The following KCNQ3 variants were observed in gnomAD, a reference collection of about 807,000 sequenced individuals.
KCNQ3 encodes potassium voltage-gated channel subfamily KQT member 3.
In KCNQ3, 30 loss-of-function variants were observed where a neutral mutation model predicts 92.5. That is an observed-to-expected ratio of 0.32 (90% CI 0.24 to 0.44). KCNQ3 has a LOEUF of 0.44. Among genes scored for constraint, KCNQ3 ranks in the 20% least tolerant of loss-of-function variants. KCNQ3 has a pLI of 1.00. For synonymous variants in KCNQ3, 450 were observed against 468.8 expected, an observed-to-expected ratio of 0.96 and a Z score of 0.52; for missense variants, 913 against 1,140.3, an observed-to-expected ratio of 0.80 and a Z score of 2.87.
At chr8:132,372,829 A>G (rs994966525) in intron 1 of KCNQ3, among the ~76,000 whole-genome samples, 9 of 150,926 alleles carry the variant, frequency 6.0e-5, no homozygotes, top group Non-Finnish European at 1.5e-5. Flanking sequence ...GTAAGCATCC[A>G]TCACTCTCCT....
At position 132,433,617 on chromosome 8, in the gene KCNQ3, C is replaced by T. The variant is rs909310265; in HGVS notation, c.386+46530G>A. Among the ~76,000 whole-genome samples, 9 of 152,320 alleles carry T rather than the reference C, an allele frequency of 5.9e-5. No homozygotes were observed. In the South Asian group the frequency reaches 1.0e-3, roughly 18 times the overall value. The stretch of plus-strand genomic sequence containing the variant: ...TAAAAATAAACTAATAGGCTGGGCA[C>T]GGTGGCTCACACCTGTAATCCCAGC... On this transcript the variant is annotated intron_variant, in intron 1 of 14. Coordinates refer to ENST00000388996, the MANE Select transcript of KCNQ3 (RefSeq NM_004519.4).
chr8:132,195,272 C>T (rs1056770528), intron 1 of KCNQ3, among the ~76,000 whole-genome samples: 34 of 152,192 alleles, frequency 2.2e-4, no homozygotes, highest in East Asian at 5.8e-4. Flanking sequence ...GGAATAATTT[C>T]GAAGTCATTC....
At chr8:132,164,884 C>G (rs1826097067) in intron 8 of KCNQ3, among the ~76,000 whole-genome samples, 1 of 150,276 alleles carries the variant, frequency 6.7e-6, no homozygotes, top group Non-Finnish European at 1.5e-5. Context: ...ACCTTGACTC[C>G]CCTCTCACTG....
chr8:132,257,617 C>T (rs970573140), intron 1 of KCNQ3, among the ~76,000 whole-genome samples: 3 of 151,388 alleles, frequency 2.0e-5, no homozygotes, highest in Admixed American at 6.6e-5. Context: ...TGTGGTGGCA[C>T]GCACCTGTAG....
At chr8:132,223,262 T>C (rs1187816683) in intron 1 of KCNQ3, among the ~76,000 whole-genome samples, 2 of 152,190 alleles carry the variant, frequency 1.3e-5, no homozygotes, top group Non-Finnish European at 2.9e-5. Context: ...AATCTAATAA[T>C]GTGCTAGGTC....
At chr8:132,261,925 A>G (rs537171174) in intron 1 of KCNQ3, among the ~76,000 whole-genome samples, 2 of 152,360 alleles carry the variant, frequency 1.3e-5, no homozygotes, top group South Asian at 4.1e-4. Context: ...TAACAGCATT[A>G]GTCATAATAG....
At chr8:132,385,836 G>A (rs916787829) in intron 1 of KCNQ3, among the ~76,000 whole-genome samples, 1 of 152,004 alleles carries the variant, frequency 6.6e-6, no homozygotes, top group African/African-American at 2.4e-5. Context: ...GAAGTGTAAT[G>A]AACAGGAAGC....
At chr8:132,208,928 G>T (rs1813759477) in intron 1 of KCNQ3, among the ~76,000 whole-genome samples, 1 of 152,082 alleles carries the variant, frequency 6.6e-6, no homozygotes, top group South Asian at 2.1e-4. Flanking sequence ...TTTGTAACTT[G>T]TATTTGTATC....
chr8:132,243,953 G>A (rs1217628376), intron 1 of KCNQ3, among the ~76,000 whole-genome samples: 1 of 152,168 alleles, frequency 6.6e-6, no homozygotes, highest in African/African-American at 2.4e-5. Flanking sequence ...GAAGATCAAT[G>A]GCAACGAGCA....
intron 1 of KCNQ3, among the ~76,000 whole-genome samples, chr8:132,441,291 C>T (rs1454701382): frequency 6.6e-6 from 1 of 152,214 alleles, no homozygotes; most frequent in Non-Finnish European, 1.5e-5. Context: ...TGGCTCACGC[C>T]TGTAATCCCA....
chr8:132,444,675 GCA>G (rs564823821), intron 1 of KCNQ3, among the ~76,000 whole-genome samples: 17 of 152,218 alleles, frequency 1.1e-4, no homozygotes, highest in Admixed American at 7.8e-4. Context: ...TGAGACAGAT[GCA>G]CAGTGTGACA....
chr8:132,322,294 GC>G (rs1385551224), intron 1 of KCNQ3, among the ~76,000 whole-genome samples: 1 of 152,136 alleles, frequency 6.6e-6, no homozygotes, highest in Non-Finnish European at 1.5e-5. Flanking sequence ...ATATGCAAAT[GC>G]CCCAGAGAGT....
chr8:132,392,763 G>A (rs1426054833), intron 1 of KCNQ3, among the ~76,000 whole-genome samples: 2 of 115,202 alleles, frequency 1.7e-5, no homozygotes, highest in Non-Finnish European at 3.2e-5. Context: ...CTGCACTCCA[G>A]CCTTGGGAAC....
Position 132,122,168 on chromosome 8 carries a change from T to C in KCNQ3, c.*7094A>G, listed in dbSNP as rs1003783602. ...GAATATGCAGCTCTACTTCTTACAATGTGTGACCTTTGACAAGGTCTTGTC... is the reference window on the plus strand; with the variant it reads ...GAATATGCAGCTCTACTTCTTACAACGTGTGACCTTTGACAAGGTCTTGTC... On this transcript the variant is annotated 3_prime_UTR_variant, in exon 15 of 15. Transcript: ENST00000388996. 9.2e-5 allele frequency: 14 copies of C among 152,206 alleles called. No homozygotes were observed. Among genetic ancestry groups the C allele is most frequent in the Non-Finnish European group, 1.6e-4 (11 of 68,046 alleles). 9.4% of individuals were successfully genotyped at this position (152,206 alleles called of 1,614,324 possible). A position where few individuals can be genotyped will look rare whatever the true frequency, so the allele number is the denominator to read the frequency against.
intron 1 of KCNQ3, among the ~76,000 whole-genome samples, chr8:132,331,971 G>C (rs1818244918): frequency 6.6e-6 from 1 of 152,184 alleles, no homozygotes; most frequent in Non-Finnish European, 1.5e-5. Flanking sequence ...GATCATGCTT[G>C]CCTCCTGACA....
chr8:132,388,034 AGG>A (rs1819940973), intron 1 of KCNQ3, among the ~76,000 whole-genome samples: 1 of 108,340 alleles, frequency 9.2e-6, no homozygotes, highest in African/African-American at 4.4e-5. Context: ...GAAGAAGAAG[AGG>A]AAGAGGAAGA....
At chr8:132,243,156 T>C (rs970020932) in intron 1 of KCNQ3, among the ~76,000 whole-genome samples, 4 of 152,214 alleles carry the variant, frequency 2.6e-5, no homozygotes, top group Non-Finnish European at 4.4e-5. Context: ...TTCTGGAAAC[T>C]GACTATGAGA....
chr8:132,377,895 G>C (rs1279367563), intron 1 of KCNQ3, among the ~76,000 whole-genome samples: 1 of 152,096 alleles, frequency 6.6e-6, no homozygotes, highest in Non-Finnish European at 1.5e-5. Flanking sequence ...AAGAAACACT[G>C]GCATTGTTAG....
chr8:132,413,580 A>G (rs957027976), intron 1 of KCNQ3, among the ~76,000 whole-genome samples: 7 of 152,226 alleles, frequency 4.6e-5, no homozygotes, highest in Admixed American at 4.6e-4. Context: ...CCAGAATCCG[A>G]GAGGAATGAA....
Sources: gnomAD v4.1 joint callset for allele counts (sites outside exome capture counted in the v4.1 genomes callset) on GRCh38, gnomAD v4.1.1 for gene constraint, MANE v1.5 for transcripts, NCBI Gene and HGNC (gene_info 2026-07-23, HGNC 2026-07-21) for gene names.